FHAD1: variants seen among roughly 807,000 people sequenced by gnomAD.
FHAD1 encodes forkhead-associated domain-containing protein 1.
FHAD1 carries 146 observed loss-of-function variants against 191.3 expected under a neutral mutation model. That is an observed-to-expected ratio of 0.76 (90% CI 0.67 to 0.88). The LOEUF (loss-of-function observed/expected upper bound fraction) is 0.88. Ranked by LOEUF, FHAD1 falls within the 40% of genes least tolerant of loss-of-function variation. The probability of loss-of-function intolerance (pLI) is 0.00; values close to 1 mark genes in which losing one functional copy is unlikely to be tolerated. For synonymous variants in FHAD1, 616 were observed against 672.3 expected (o/e 0.92, Z 1.29); for missense variants, 1,635 against 1,785.8 (o/e 0.92, Z 1.52).
intron 18 of FHAD1, among the ~76,000 whole-genome samples, chr1:15,347,767 A>G (rs1477944578): frequency 6.6e-6 from 1 of 152,296 alleles, no homozygotes; most frequent in South Asian, 2.1e-4. Context: ...TTTTCATTAG[A>G]TCTTCCGCCA....
At chr1:15,258,624 G>A (rs545164489) in intron 2 of FHAD1, among the ~76,000 whole-genome samples, 21 of 147,774 alleles carry the variant, frequency 1.4e-4, no homozygotes, top group Middle Eastern at 3.5e-3. Context: ...TCGCTCTGTT[G>A]CCCAGGCTGG....
At chr1:15,364,092 G>C (rs555147802) in intron 23 of FHAD1, 9 of 246,644 alleles carry the variant, frequency 3.6e-5, no homozygotes, top group Non-Finnish European at 7.3e-5. Context: ...CTTCCTTGGC[G>C]TGTGAACATG....
intron 33 of FHAD1, among the ~76,000 whole-genome samples, chr1:15,393,430 G>GCGCACA (rs148170141): frequency 3.8e-4 from 56 of 146,838 alleles, no homozygotes; most frequent in Middle Eastern, 3.5e-3. Context: ...ACACACACAC[G>GCGCACA]CACACACACA....
chr1:15,330,827 G>A (rs1353916456), intron 14 of FHAD1, among the ~76,000 whole-genome samples: 1 of 152,178 alleles, frequency 6.6e-6, no homozygotes, highest in African/African-American at 2.4e-5. Context: ...AGAAGCCTGT[G>A]AAAGGCCTTA....
intron 14 of FHAD1, among the ~76,000 whole-genome samples, chr1:15,332,068 C>T (rs1225445200): frequency 6.6e-6 from 1 of 152,238 alleles, no homozygotes; most frequent in Non-Finnish European, 1.5e-5. Flanking sequence ...GGCACTTCAA[C>T]ATCTGCAGCA....
chr1:15,351,073 G>T (rs935572632), intron 19 of FHAD1, among the ~76,000 whole-genome samples: 4 of 152,178 alleles, frequency 2.6e-5, no homozygotes, highest in African/African-American at 9.7e-5. Context: ...TGCTGGGTGC[G>T]ATGGCTCACG....
intron 3 of FHAD1, among the ~76,000 whole-genome samples, chr1:15,281,780 AAAAAG>A (rs1660704945): frequency 6.6e-6 from 1 of 151,170 alleles, no homozygotes; most frequent in Admixed American, 6.6e-5. Context: ...AAAAAAAAAA[AAAAAG>A]GAGAGGGGAG....
At chr1:15,366,665 A>G (rs1298311144) in intron 24 of FHAD1, among the ~76,000 whole-genome samples, 1 of 152,226 alleles carries the variant, frequency 6.6e-6, no homozygotes. Flanking sequence ...TCTTCCTCAG[A>G]TGCCAAGTAG....
At chr1:15,260,448 C>T (rs187811256) in intron 2 of FHAD1, among the ~76,000 whole-genome samples, 2 of 152,324 alleles carry the variant, frequency 1.3e-5, no homozygotes, top group Non-Finnish European at 2.9e-5. Context: ...TCTGAGTGGA[C>T]TCAGCTGGTT....
chr1:15,260,001 G>A (rs1400245243), intron 2 of FHAD1, among the ~76,000 whole-genome samples: 1 of 152,210 alleles, frequency 6.6e-6, no homozygotes, highest in Non-Finnish European at 1.5e-5. Flanking sequence ...GGCCACGTAA[G>A]CTAGGCTAAG....
At chr1:15,301,011 G>A (rs1327563790) in intron 5 of FHAD1, among the ~76,000 whole-genome samples, 194 bp from the exon 6 acceptor site, 9 of 152,018 alleles carry the variant, frequency 5.9e-5, no homozygotes, top group Admixed American at 5.9e-4. Context: ...TGTATTTTTA[G>A]TAGAGACAGG....
intron 1 of FHAD1, among the ~76,000 whole-genome samples, chr1:15,249,899 G>A (rs1018802394): frequency 2.6e-5 from 4 of 152,132 alleles, no homozygotes; most frequent in Non-Finnish European, 5.9e-5. Flanking sequence ...CTCCCTGCCC[G>A]AATGCTAGGG....
downstream of FHAD1, among the ~76,000 whole-genome samples, chr1:15,401,274 C>G (rs890842306): frequency 6.6e-6 from 1 of 152,164 alleles, no homozygotes; most frequent in Non-Finnish European, 1.5e-5. Context: ...TAGGTGCCCT[C>G]TTTTTGCTTT....
chr1:15,313,765 G>C (rs1298345173), intron 8 of FHAD1, among the ~76,000 whole-genome samples: 2 of 152,070 alleles, frequency 1.3e-5, no homozygotes, highest in African/African-American at 2.4e-5. Context: ...GGCAAGTCAA[G>C]AGCTGTTTAA....
Position 15,352,945 on chromosome 1 carries a change from G to A in FHAD1, c.2523G>A (p.Lys841=). 1 of 1,551,432 alleles carries A rather than the reference G, an allele frequency of 6.4e-7. No homozygotes were observed. Among genetic ancestry groups the A allele is most frequent in the Non-Finnish European group, 8.7e-7 (1 of 1,146,956 alleles). ...AGGCCATGGAGAAGGAAAAGAAAAA[G>A]GTGCAAGACCTGGAGAATCGCTTAA... The part of the protein sequence containing the change: ...AKEAMEKEKK[K]VQDLENRLTK... Residue 841 remains lysine, a synonymous_variant, in exon 20 of 34, where the codon AAG becomes AAA. Transcript: ENST00000688493.
At position 15,301,283 on chromosome 1, in the gene FHAD1, A is replaced by C; in HGVS notation, c.757A>C (p.Ile253Leu). 6.4e-7 allele frequency: 1 copy of C among 1,551,798 alleles called. No individual in the cohort carries two copies. The highest frequency in any genetic ancestry group is 8.7e-7 in the Non-Finnish European group (1 of 1,147,008). ...AATTGAATCCAAATACAAAGACGTC[A>C]TAATAGCAAACCTGCAGAATGAAGT... ...YEIESKYKDV[I>L]IANLQNEVAE... The change falls in exon 6 of 34, where the codon ATA (isoleucine) becomes CTA (leucine). Residue 253 changes from isoleucine (I) to leucine (L), a missense_variant. Physicochemically the swap from Ile to Leu is conservative, Grantham distance 5. Coordinates refer to ENST00000688493, the MANE Select transcript of FHAD1 (RefSeq NM_001391957.1).
At chr1:15,236,926 C>T (rs1193387389) in intron 1 of FHAD1, among the ~76,000 whole-genome samples, 1 of 152,144 alleles carries the variant, frequency 6.6e-6, no homozygotes, top group African/African-American at 2.4e-5. Context: ...GGCGGTTACC[C>T]TCGTGCTGTT....
chr1:15,397,809 A>C lies in FHAD1; in HGVS notation c.*396A>C, dbSNP rs928744277. On this transcript the variant is annotated 3_prime_UTR_variant, in exon 34 of 34. Coordinates refer to ENST00000688493, the MANE Select transcript of FHAD1 (RefSeq NM_001391957.1). ...CCTCAGGGCAGAATTGTAACCTTGG[A>C]GCTCTCAGGGCCTTGGGATAGTGAA... 1 of 153,396 alleles carries C rather than the reference A, an allele frequency of 6.5e-6. No individual in the cohort carries two copies. Among genetic ancestry groups the C allele is most frequent in the Non-Finnish European group, 1.5e-5 (1 of 68,916 alleles). 9.5% of individuals were successfully genotyped at this position (153,396 alleles called of 1,614,324 possible). A position where few individuals can be genotyped will look rare whatever the true frequency, so the allele number is the denominator to read the frequency against.
chr1:15,364,876 T>C (rs1046830285), intron 23 of FHAD1, among the ~76,000 whole-genome samples: 1 of 152,122 alleles, frequency 6.6e-6, no homozygotes, highest in Non-Finnish European at 1.5e-5. Flanking sequence ...CTGGGCGCCC[T>C]TCACCTCTCC....
Sources: allele counts gnomAD v4.1 joint callset (sites outside exome capture counted in the v4.1 genomes callset), GRCh38; gene constraint gnomAD v4.1.1; transcripts MANE v1.5; gene names NCBI Gene and HGNC (gene_info 2026-07-23, HGNC 2026-07-21).